Variants in KRTAP6-3 observed in about 807,000 individuals in gnomAD.
The protein encoded by KRTAP6-3 is keratin-associated protein 6-3.
For synonymous variants in KRTAP6-3, 62 were observed against 57.5 expected, an observed-to-expected ratio of 1.08 and a Z score of -0.36; for missense variants, 121 against 133.1, an observed-to-expected ratio of 0.91 and a Z score of 0.45.
At chr21:30,592,597 A>AGGCCTGGGCTTTGGCTC in the KRTAP6-3 span, 4 of 1,613,032 alleles carry the variant, frequency 2.5e-6, no homozygotes, top group Non-Finnish European at 3.4e-6. Flanking sequence ...GGCTTTGGCT[A>AGGCCTGGGCTTTGGCTC]TGGAGGCCTG....
rs965450579 is a variant in KRTAP6-3, at chr21:30,592,924, C to T, written c.*146C>T. On this transcript the variant is annotated 3_prime_UTR_variant, in exon 1 of 1. Transcript: ENST00000391624. ...TCTGTTGTTGATCTACCATCTAACC[C>T]AAAAATACCCTGAGTTTCCATCATG... The T allele has an allele frequency of 4.0e-5, 56 of 1,400,124 alleles. No homozygotes were observed. The highest frequency in any genetic ancestry group is 4.8e-5 in the Non-Finnish European group (51 of 1,064,330). 86.7% of individuals were successfully genotyped at this position (1,400,124 alleles called of 1,614,324 possible).
In KRTAP6-3 at chr21:30,592,646, C is replaced by T. The variant is rs761599011; in HGVS notation, c.201C>T (p.Ser67=). The T allele has an allele frequency of 4.3e-6, 7 of 1,613,818 alleles. No individual in the cohort carries two copies. In the South Asian group the frequency reaches 4.4e-5, roughly 10 times the overall value. ...GAGGCCTGGGCTGTGGCTATGGCTC[C>T]TTCTGTGGCTGTGGCTACAGAGGCC... The change falls in exon 1 of 1, where the codon TCC becomes TCT. Residue 67 remains serine, a synonymous_variant. Coordinates refer to ENST00000391624, the MANE Select transcript of KRTAP6-3 (RefSeq NM_181605.4).
rs1394857792 is a variant in KRTAP6-3 at position 30,592,756 on chromosome 21, C to T, written c.311C>T (p.Ser104Phe). ...TATAGGTGCGGCTCTGGCTATGGCT[C>T]CAGCTTTGGCTACTACTATTGAGGA... Residue 104 changes from serine (S) to phenylalanine (F), a missense_variant, in exon 1 of 1, where the codon TCC (serine) becomes TTC (phenylalanine). Ser to Phe is a radical substitution (Grantham distance 155). Coordinates refer to ENST00000391624, the MANE Select transcript of KRTAP6-3 (RefSeq NM_181605.4). 4 of 1,605,316 alleles carry T rather than the reference C, an allele frequency of 2.5e-6. No homozygotes were observed. Among genetic ancestry groups the T allele is most frequent in the Non-Finnish European group, 3.4e-6 (4 of 1,175,618 alleles).
chr21:30,592,952 G>A lies in KRTAP6-3; in HGVS notation c.*174G>A. The A allele has an allele frequency of 7.6e-7, 1 of 1,318,932 alleles. No individual in the cohort carries two copies. The highest frequency in any genetic ancestry group is 2.6e-5 in the East Asian group (1 of 38,950). The allele number at this position is 1,318,932 out of a possible 1,614,324, so 81.7% of individuals were successfully genotyped here. ...AAATACCCTGAGTTTCCATCATGAA[G>A]TGGGATAAGGTGAAGTTCACCTGTC... On this transcript the variant is annotated 3_prime_UTR_variant, in exon 1 of 1. Transcript: ENST00000391624.
chr21:30,592,507 G>T lies in KRTAP6-3; in HGVS notation c.62G>T (p.Gly21Val). 6.2e-7 allele frequency: 1 copy of T among 1,613,812 alleles called. No homozygotes were observed. The highest frequency in any genetic ancestry group is 8.5e-7 in the Non-Finnish European group (1 of 1,179,884). Reference sequence around the variant, plus strand: ...TACAGAAACTACAATGGTGGCCATGGCTATGGGTGCTGTGGCTACGGAGGC... The same window carrying T: ...TACAGAAACTACAATGGTGGCCATGTCTATGGGTGCTGTGGCTACGGAGGC... The change falls in exon 1 of 1, where the codon GGC becomes GTC. Residue 21 changes from glycine to valine, a missense_variant. Gly to Val is a moderately radical substitution (Grantham distance 109, BLOSUM62 -3). Transcript: ENST00000391624.
In KRTAP6-3 at chr21:30,592,441, C is replaced by T; in HGVS notation, c.-5C>T. ...GAAGTCACCTACACTCCTTCCTACC[C>T]AAGGATGACCTCAACAACCAACACC... is the stretch of plus-strand genomic sequence containing the variant. On this transcript the variant is annotated 5_prime_UTR_variant, in exon 1 of 1. Coordinates refer to ENST00000391624, the MANE Select transcript of KRTAP6-3 (RefSeq NM_181605.4). 2 of 1,583,186 alleles carry T rather than the reference C, an allele frequency of 1.3e-6. No individual in the cohort carries two copies. The highest frequency in any genetic ancestry group is 4.5e-5 in the East Asian group (2 of 44,650).
Position 30,592,567 on chromosome 21 carries a change from G to A in KRTAP6-3, c.122G>A (p.Cys41Tyr). Residue 41 changes from cysteine (C) to tyrosine (Y), a missense_variant, in exon 1 of 1, where the codon TGC (cysteine) becomes TAC (tyrosine). Physicochemically the swap from Cys to Tyr is radical, Grantham distance 194. Coordinates refer to ENST00000391624, the MANE Select transcript of KRTAP6-3 (RefSeq NM_181605.4). ...GGTTATGGCGGCTGTGGCTATGGGTGCTGTGGCTACGGAGGCCTGGGCTTT... is the reference window on the plus strand; with the variant it reads ...GGTTATGGCGGCTGTGGCTATGGGTACTGTGGCTACGGAGGCCTGGGCTTT... The A allele has an allele frequency of 6.2e-7, 1 of 1,611,130 alleles. No homozygotes were observed. The highest frequency in any genetic ancestry group is 8.5e-7 in the Non-Finnish European group (1 of 1,178,186).
chr21:30,592,475 C>G lies in KRTAP6-3; in HGVS notation c.30C>G (p.Gly10=), dbSNP rs762936047. The G allele has an allele frequency of 6.2e-6, 10 of 1,608,174 alleles. No individual in the cohort carries two copies. Among genetic ancestry groups the G allele is most frequent in the Non-Finnish European group, 7.6e-6 (9 of 1,176,842 alleles). The change falls in exon 1 of 1, where the codon GGC becomes GGG. Residue 10 remains glycine, a synonymous_variant. Transcript: ENST00000391624. ...CCTCAACAACCAACACCATGTGTGGCAGCTACTACAGAAACTACAATGGTG... is the reference window on the plus strand; with the variant it reads ...CCTCAACAACCAACACCATGTGTGGGAGCTACTACAGAAACTACAATGGTG...
At position 30,592,701 on chromosome 21, in the gene KRTAP6-3, T is replaced by C; in HGVS notation, c.256T>C (p.Tyr86His). Residue 86 changes from tyrosine (Y) to histidine (H), a missense_variant, in exon 1 of 1, where the codon TAT (tyrosine) becomes CAT (histidine). By Grantham distance (83) the Tyr-to-His change is moderately conservative. Coordinates refer to ENST00000391624, the MANE Select transcript of KRTAP6-3 (RefSeq NM_181605.4). ...CTGTGGCTATGGCTGTGGCTATGGC[T>C]ATGTCTCCCACTCCTTCTGTGGCTG... The C allele has an allele frequency of 6.2e-7, 1 of 1,613,494 alleles. No homozygotes were observed. The highest frequency in any genetic ancestry group is 8.5e-7 in the Non-Finnish European group (1 of 1,179,664).
Position 30,592,610 on chromosome 21 carries a change from C to G in KRTAP6-3, c.165C>G (p.Asp55Glu). Residue 55 changes from aspartate to glutamate, a missense_variant, in exon 1 of 1, where the codon GAC becomes GAG. Transcript: ENST00000391624. ...TGGGCTTTGGCTATGGAGGCCTGGACTGTGGCTATGGAGGCCTGGGCTGTG... is the reference window on the plus strand; with the variant it reads ...TGGGCTTTGGCTATGGAGGCCTGGAGTGTGGCTATGGAGGCCTGGGCTGTG... 1 of 1,603,744 alleles carries G rather than the reference C, an allele frequency of 6.2e-7. No homozygotes were observed. The highest frequency in any genetic ancestry group is 8.5e-7 in the Non-Finnish European group (1 of 1,172,316).
rs1601078763 is a variant in KRTAP6-3 at position 30,592,807 on chromosome 21, TC to T, written c.*31del. 2.6e-6 allele frequency: 4 copies of T among 1,530,228 alleles called. No individual in the cohort carries two copies. In the East Asian group the frequency reaches 9.5e-5, roughly 36 times the overall value. 94.8% of individuals were successfully genotyped at this position (1,530,228 alleles called of 1,614,324 possible). ...CACCATGGGAGACTCTCACCCTCTA[TC>T]CTGTGACATTGCAATTCACCAATTC... On this transcript the variant is annotated 3_prime_UTR_variant, in exon 1 of 1. Transcript: ENST00000391624.
Position 30,592,956 on chromosome 21 carries a change from G to A in KRTAP6-3, c.*178G>A. The A allele has an allele frequency of 7.6e-7, 1 of 1,312,858 alleles. No homozygotes were observed. The allele number at this position is 1,312,858 out of a possible 1,614,324, so 81.3% of individuals were successfully genotyped here. ...ACCCTGAGTTTCCATCATGAAGTGGGATAAGGTGAAGTTCACCTGTCACTT... is the reference window on the plus strand; with the variant it reads ...ACCCTGAGTTTCCATCATGAAGTGGAATAAGGTGAAGTTCACCTGTCACTT... On this transcript the variant is annotated 3_prime_UTR_variant, in exon 1 of 1. Coordinates refer to ENST00000391624, the MANE Select transcript of KRTAP6-3 (RefSeq NM_181605.4).
At position 30,592,856 on chromosome 21, in the gene KRTAP6-3, T is replaced by C; in HGVS notation, c.*78T>C. ...TTCTGAAGCCCACATGCTCTGAGCC[T>C]TTCCCTTGATTGATGATATCCTGCA... On this transcript the variant is annotated 3_prime_UTR_variant, in exon 1 of 1. Transcript: ENST00000391624. 1 of 1,458,606 alleles carries C rather than the reference T, an allele frequency of 6.9e-7. No individual in the cohort carries two copies. The highest frequency in any genetic ancestry group is 1.5e-5 in the South Asian group (1 of 68,242). 90.4% of individuals were successfully genotyped at this position (1,458,606 alleles called of 1,614,324 possible).
At position 30,592,557 on chromosome 21, in the gene KRTAP6-3, G is replaced by C; in HGVS notation, c.112G>C (p.Gly38Arg). 5.6e-6 allele frequency: 9 copies of C among 1,613,182 alleles called. No homozygotes were observed. Among genetic ancestry groups the C allele is most frequent in the Non-Finnish European group, 7.6e-6 (9 of 1,179,582 alleles). The change falls in exon 1 of 1, where the codon GGC (glycine) becomes CGC (arginine). Residue 38 changes from glycine (G) to arginine (R), a missense_variant. Physicochemically the swap from Gly to Arg is moderately radical, Grantham distance 125. Transcript: ENST00000391624. ...CCTGGGCTGTGGTTATGGCGGCTGT[G>C]GCTATGGGTGCTGTGGCTACGGAGG...
rs1245769495 is a variant in KRTAP6-3, at chr21:30,592,776, T to G, written c.331T>G (p.Ter111GlyextTer12). 1.3e-6 allele frequency: 2 copies of G among 1,593,952 alleles called. No homozygotes were observed. The highest frequency in any genetic ancestry group is 1.7e-6 in the Non-Finnish European group (2 of 1,169,474). ...TGGCTCCAGCTTTGGCTACTACTAT[T>G]GAGGACACCATGGGAGACTCTCACC... is the stretch of plus-strand genomic sequence containing the variant. Residue 111 changes from the stop codon to glycine (G), a stop_lost, in exon 1 of 1, where the codon TGA becomes GGA. Transcript: ENST00000391624.
Position 30,592,628 on chromosome 21 carries a change from GGGCTGTGGCTAT to G in KRTAP6-3, c.188_199del (p.Cys63_Gly66del), listed in dbSNP as rs1568893298. ...GCCTGGACTGTGGCTATGGAGGCCTGGGCTGTGGCTATGGCTCCTTCTGTGGCTGTGGCTACA... is the reference window on the plus strand; with the variant it reads ...GCCTGGACTGTGGCTATGGAGGCCTGGGCTCCTTCTGTGGCTGTGGCTACA... On this transcript the variant is annotated inframe_deletion, in exon 1 of 1. Coordinates refer to ENST00000391624, the MANE Select transcript of KRTAP6-3 (RefSeq NM_181605.4). 1.9e-6 allele frequency: 3 copies of G among 1,604,886 alleles called. No homozygotes were observed.
Position 30,592,853 on chromosome 21 carries a change from G to C in KRTAP6-3, c.*75G>C. On this transcript the variant is annotated 3_prime_UTR_variant, in exon 1 of 1. Coordinates refer to ENST00000391624, the MANE Select transcript of KRTAP6-3 (RefSeq NM_181605.4). ...CAATTCTGAAGCCCACATGCTCTGA[G>C]CCTTTCCCTTGATTGATGATATCCT... is the stretch of plus-strand genomic sequence containing the variant. 1 of 1,463,184 alleles carries C rather than the reference G, an allele frequency of 6.8e-7. No individual in the cohort carries two copies. Among genetic ancestry groups the C allele is most frequent in the Non-Finnish European group, 9.1e-7 (1 of 1,103,778 alleles). The allele number at this position is 1,463,184 out of a possible 1,614,324, so 90.6% of individuals were successfully genotyped here.
Position 30,592,753 on chromosome 21 carries a change from G to T in KRTAP6-3, c.308G>T (p.Gly103Val). 6.2e-7 allele frequency: 1 copy of T among 1,607,120 alleles called. No homozygotes were observed. Among genetic ancestry groups the T allele is most frequent in the South Asian group, 1.1e-5 (1 of 90,298 alleles). Residue 103 changes from glycine to valine, a missense_variant, in exon 1 of 1, where the codon GGC (glycine) becomes GTC (valine). Coordinates refer to ENST00000391624, the MANE Select transcript of KRTAP6-3 (RefSeq NM_181605.4). ...GGCTATAGGTGCGGCTCTGGCTATG[G>T]CTCCAGCTTTGGCTACTACTATTGA...
Sources: gnomAD v4.1 joint callset for allele counts on GRCh38, gnomAD v4.1.1 for gene constraint, MANE v1.5 for transcripts, NCBI Gene and HGNC (gene_info 2026-07-23, HGNC 2026-07-21) for gene names.